NFIA: variants seen among roughly 807,000 people sequenced by gnomAD.
The protein encoded by NFIA is nuclear factor 1 A-type.
NFIA carries 8 observed loss-of-function variants against 62.8 expected under a neutral mutation model. That is an observed-to-expected ratio of 0.13 (90% CI 0.07 to 0.23). The LOEUF is 0.23. NFIA is among the 10% of genes least tolerant of loss of function. The pLI is 1.00. For synonymous variants in NFIA, 235 were observed against 238.1 expected (o/e 0.99, Z 0.12); for missense variants, 410 against 642.1 (o/e 0.64, Z 3.91).
chr1:61,125,561 G>T, intron 2 of NFIA, among the ~76,000 whole-genome samples: 1 of 152,072 alleles, frequency 6.6e-6, no homozygotes, highest in Non-Finnish European at 1.5e-5. Context: ...CGTTTTATAG[G>T]GACTCGTGTG....
intron 2 of NFIA, among the ~76,000 whole-genome samples, chr1:61,230,652 C>G (rs921232355): frequency 2.0e-5 from 3 of 152,180 alleles, no homozygotes; most frequent in African/African-American, 7.2e-5. Flanking sequence ...AACTATTGCT[C>G]CTTTGTTAAC....
chr1:61,090,766 A>G (rs552904633), intron 2 of NFIA, among the ~76,000 whole-genome samples: 3 of 152,216 alleles, frequency 2.0e-5, no homozygotes, highest in African/African-American at 7.2e-5. Context: ...ATGCCAGCCA[A>G]ATGTTTGGCC....
intron 2 of NFIA, among the ~76,000 whole-genome samples, chr1:61,256,503 G>A (rs167978): frequency 0.67 from 101,821 of 151,014 alleles, 35,497 homozygotes; most frequent in African/African-American, 0.87. Context: ...GTTGGGCCGT[G>A]TTCAAAGCTG....
At chr1:61,092,546 A>G (rs1247540105) in intron 2 of NFIA, among the ~76,000 whole-genome samples, 1 of 152,190 alleles carries the variant, frequency 6.6e-6, no homozygotes, top group Non-Finnish European at 1.5e-5. Flanking sequence ...TACCTGTCCT[A>G]TAAACCTACT....
intron 2 of NFIA, among the ~76,000 whole-genome samples, chr1:61,169,526 T>A (rs1184576744): frequency 6.6e-6 from 1 of 152,230 alleles, no homozygotes; most frequent in African/African-American, 2.4e-5. Context: ...GGTCCACAAT[T>A]TCCAGTGCAA....
chr1:61,212,639 G>A (rs1653339915), intron 2 of NFIA, among the ~76,000 whole-genome samples: 1 of 152,086 alleles, frequency 6.6e-6, no homozygotes, highest in African/African-American at 2.4e-5. Flanking sequence ...CATTGCAGTT[G>A]TCCTTATTGA....
chr1:61,224,174 T>A (rs191492603), intron 2 of NFIA, among the ~76,000 whole-genome samples: 1 of 152,166 alleles, frequency 6.6e-6, no homozygotes, highest in East Asian at 1.9e-4. Context: ...TAAAAATATA[T>A]TTAAAATTAG....
chr1:61,302,542 T>C (rs912062460), intron 3 of NFIA, among the ~76,000 whole-genome samples: 3 of 152,150 alleles, frequency 2.0e-5, no homozygotes, highest in African/African-American at 7.2e-5. Flanking sequence ...GTGTGTTGGG[T>C]AGATCATTCC....
upstream of NFIA, chr1:61,082,163 T>C: frequency 2.3e-6 from 1 of 431,570 alleles, no homozygotes; most frequent in East Asian, 9.6e-5. Flanking sequence ...CTGTAACTGC[T>C]CCTCACTGCG....
chr1:61,389,248 C>T (rs1299329710), intron 7 of NFIA, among the ~76,000 whole-genome samples: 1 of 152,172 alleles, frequency 6.6e-6, no homozygotes, highest in Non-Finnish European at 1.5e-5. Flanking sequence ...GGCGCTGCCC[C>T]CTGCCTTATG....
At chr1:61,092,067 G>A (rs1291832446) in intron 2 of NFIA, among the ~76,000 whole-genome samples, 1 of 152,126 alleles carries the variant, frequency 6.6e-6, no homozygotes, top group African/African-American at 2.4e-5. Flanking sequence ...AAAGCTTGGA[G>A]GCAGCTGTGT....
chr1:61,441,292 G>GTGTGT (rs1667561527), intron 10 of NFIA, among the ~76,000 whole-genome samples: 1 of 139,374 alleles, frequency 7.2e-6, no homozygotes, highest in South Asian at 2.4e-4. Context: ...GCCGTGCAGG[G>GTGTGT]GTGTGTGTGT....
intron 2 of NFIA, among the ~76,000 whole-genome samples, chr1:61,216,625 C>T (rs1448681642): frequency 6.6e-6 from 1 of 152,162 alleles, no homozygotes; most frequent in African/African-American, 2.4e-5. Flanking sequence ...AAATAGATAT[C>T]TATACTCTCT....
chr1:61,252,663 A>G (rs936923541), intron 2 of NFIA, among the ~76,000 whole-genome samples: 2 of 152,246 alleles, frequency 1.3e-5, no homozygotes, highest in East Asian at 1.9e-4. Context: ...TACGCATTAT[A>G]TAAGAAAGAT....
At chr1:61,101,619 G>A (rs530501664) in intron 2 of NFIA, among the ~76,000 whole-genome samples, 70 of 152,208 alleles carry the variant, frequency 4.6e-4, no homozygotes, top group Non-Finnish European at 9.4e-4. Context: ...AATTCATTTG[G>A]CAGTTCCTAA....
At chr1:61,203,074 C>T (rs1652618675) in intron 2 of NFIA, among the ~76,000 whole-genome samples, 1 of 152,222 alleles carries the variant, frequency 6.6e-6, no homozygotes, top group Non-Finnish European at 1.5e-5. Flanking sequence ...TTCCTGTTAA[C>T]ACCTACATTT....
At chr1:61,125,665 T>G (rs1444730476) in intron 2 of NFIA, among the ~76,000 whole-genome samples, 1 of 152,214 alleles carries the variant, frequency 6.6e-6, no homozygotes, top group Non-Finnish European at 1.5e-5. Flanking sequence ...TAAAGTGGAA[T>G]GAGCTAGCAA....
At chr1:61,317,654 C>T (rs1660437695) in intron 3 of NFIA, among the ~76,000 whole-genome samples, 1 of 152,008 alleles carries the variant, frequency 6.6e-6, no homozygotes, top group African/African-American at 2.4e-5. Flanking sequence ...AATAAAATTA[C>T]ATTATCTACA....
At chr1:61,246,823 G>A (rs763325343) in intron 2 of NFIA, among the ~76,000 whole-genome samples, 4 of 152,108 alleles carry the variant, frequency 2.6e-5, no homozygotes, top group South Asian at 4.1e-4. Context: ...TCACTGGTTC[G>A]TCTGTAGTTC....
Sources: gnomAD v4.1 joint callset for allele counts (sites outside exome capture counted in the v4.1 genomes callset) on GRCh38, gnomAD v4.1.1 for gene constraint, MANE v1.5 for transcripts, NCBI Gene and HGNC (gene_info 2026-07-23, HGNC 2026-07-21) for gene names.